Variants in SPIRE2 observed in about 807,000 individuals in gnomAD.
The protein encoded by SPIRE2 is spire type actin nucleation factor 2, also known as protein spire homolog 2.
In SPIRE2, 76 loss-of-function variants were observed where a neutral mutation model predicts 80.7. That is an observed-to-expected ratio of 0.94 (90% CI 0.78 to 1.14). The LOEUF (loss-of-function observed/expected upper bound fraction) is 1.14. Ranked by LOEUF, SPIRE2 falls within the 50% of genes most tolerant of loss-of-function variation. SPIRE2 has a pLI of 0.00. For missense variants in SPIRE2, 1,196 were observed against 1,015.3 expected (o/e 1.18, Z -2.42); for synonymous variants, 535 against 432.6 (o/e 1.24, Z -2.94).
chr16:89,869,597 A>G lies in SPIRE2; in HGVS notation c.1837A>G (p.Ile613Val). The G allele has an allele frequency of 6.2e-7, 1 of 1,614,098 alleles. No homozygotes were observed. Among genetic ancestry groups the G allele is most frequent in the Non-Finnish European group, 8.5e-7 (1 of 1,179,996 alleles). The change falls in exon 14 of 15, where the codon ATC becomes GTC. Residue 613 changes from isoleucine (I) to valine (V), a missense_variant. Coordinates refer to ENST00000378247, the MANE Select transcript of SPIRE2 (RefSeq NM_032451.2). ...GATGCCTTCTAAGAAATTTGGACACATCCCTGTCTACACACTGGGCTTTGA... is the reference window on the plus strand; with the variant it reads ...GATGCCTTCTAAGAAATTTGGACACGTCCCTGTCTACACACTGGGCTTTGA... The part of the protein sequence containing the change: ...MKMPSKKFGH[I>V]PVYTLGFESP...
intron 1 of SPIRE2, among the ~76,000 whole-genome samples, chr16:89,842,797 C>A (rs1264319043): frequency 1.3e-5 from 2 of 152,202 alleles, no homozygotes; most frequent in African/African-American, 4.8e-5. Flanking sequence ...ACGCCCAGCG[C>A]GGGCCAGGAC....
Position 89,870,425 on chromosome 16 carries a change from C to T in SPIRE2, c.*153C>T. On this transcript the variant is annotated 3_prime_UTR_variant, in exon 15 of 15. Transcript: ENST00000378247. ...ATTTATATACACTGTTTCCTGGCCC[C>T]AGAGCTCATTTGGGTTCAGGCGCAC... 6.8e-6 allele frequency: 4 copies of T among 585,662 alleles called. No homozygotes were observed. In the East Asian group the frequency reaches 1.2e-4, roughly 17 times the overall value. The allele number at this position is 585,662 out of a possible 1,614,324, so 36.3% of individuals were successfully genotyped here. A position where few individuals can be genotyped will look rare whatever the true frequency, so the allele number is the denominator to read the frequency against.
chr16:89,860,850 A>G (rs1027024732), intron 10 of SPIRE2, 55 bp downstream of exon 10: 5 of 1,146,558 alleles, frequency 4.4e-6, no homozygotes, highest in Non-Finnish European at 5.9e-6. Flanking sequence ...CTTTGCACCC[A>G]CCTTCCCGCC....
chr16:89,831,784 C>T (rs1028916442), intron 1 of SPIRE2, among the ~76,000 whole-genome samples: 1 of 151,242 alleles, frequency 6.6e-6, no homozygotes, highest in Non-Finnish European at 1.5e-5. Context: ...CCCGCCCTTT[C>T]TCCTGCCCCT....
At chr16:89,830,968 GGCACAATCTCT>G in intron 1 of SPIRE2, among the ~76,000 whole-genome samples, 1 of 146,614 alleles carries the variant, frequency 6.8e-6, no homozygotes, top group Non-Finnish European at 1.5e-5. Context: ...GGAGTGCAGC[GGCACAATCTCT>G]GCTCACTGCA....
intron 6 of SPIRE2, chr16:89,855,890 AG>A (rs2041685922): frequency 2.1e-6 from 2 of 947,580 alleles, no homozygotes; most frequent in South Asian, 3.5e-5. Flanking sequence ...TTTTCTGGGA[AG>A]GGGCCATGTG....
rs767979836 is a variant in SPIRE2, at chr16:89,870,210, C to T, written c.2083C>T (p.Arg695Ter). 4.3e-5 allele frequency: 69 copies of T among 1,607,882 alleles called. No individual in the cohort carries two copies. The Admixed American group carries it at 5.2e-4, about 12-fold the overall frequency. ...CGTGGACGTCCTCAACACTACGCCA[C>T]GACGCAGTCGCCAGACCCAATCCCT... is the stretch of plus-strand genomic sequence containing the variant. ...KSVDVLNTTP[R>*]RSRQTQSLYI... The change falls in exon 15 of 15, where the codon CGA becomes TGA. Residue 695 changes from arginine to a stop codon, truncating the protein, a stop_gained. Transcript: ENST00000378247. LOFTEE classifies it high-confidence loss of function.
At chr16:89,855,917 A>C in intron 6 of SPIRE2, 196 bp from the exon 7 acceptor site, 1 of 1,075,592 alleles carries the variant, frequency 9.3e-7, no homozygotes, top group Non-Finnish European at 1.3e-6. Context: ...TGCCCACCCC[A>C]CCCCAGGTGC....
chr16:89,845,283 G>A (rs768546637), intron 1 of SPIRE2, 39 bp from the exon 2 acceptor site: 1 of 1,605,742 alleles, frequency 6.2e-7, no homozygotes, highest in African/African-American at 1.3e-5. Context: ...GGGGTCCCGG[G>A]GATGCTGACA....
Position 89,850,640 on chromosome 16 carries a change from A to G in SPIRE2, c.625A>G (p.Arg209Gly), listed in dbSNP as rs1390009220. ...GCTGGAGCTGCGGGCCTTCCTGGCC[A>G]GGGTCCGGGAGGCCAAGGAGGTGAG... ...ETLELRAFLA[R>G]VREAKEMLQK... The change falls in exon 3 of 15, where the codon AGG (arginine) becomes GGG (glycine). Residue 209 changes from arginine (R) to glycine (G), a missense_variant. Transcript: ENST00000378247. The G allele has an allele frequency of 1.5e-5, 19 of 1,273,354 alleles. No individual in the cohort carries two copies. In the East Asian group the frequency reaches 2.6e-4, roughly 18 times the overall value. The allele number at this position is 1,273,354 out of a possible 1,614,324, so 78.9% of individuals were successfully genotyped here.
intron 2 of SPIRE2, 29 bp downstream of exon 2, chr16:89,845,394 TTGA>T (rs752637933): frequency 3.5e-5 from 56 of 1,581,132 alleles, no homozygotes; most frequent in Non-Finnish European, 4.8e-5. Context: ...CAAGTATTAC[TTGA>T]TGTGTGTTAA....
At chr16:89,857,129 C>T (rs1390853771) in intron 7 of SPIRE2, among the ~76,000 whole-genome samples, 8 of 138,218 alleles carry the variant, frequency 5.8e-5, no homozygotes, top group African/African-American at 2.2e-4. Context: ...ATTGGAATTT[C>T]CTATATCTTT....
chr16:89,865,431 A>G (rs1054623001), intron 12 of SPIRE2, among the ~76,000 whole-genome samples: 7 of 152,232 alleles, frequency 4.6e-5, no homozygotes, highest in African/African-American at 1.7e-4. Flanking sequence ...GATGTATACC[A>G]TAAGTCCTAA....
intron 2 of SPIRE2, chr16:89,846,839 C>A (rs1244160568): frequency 8.9e-6 from 1 of 112,300 alleles, no homozygotes; most frequent in Non-Finnish European, 1.8e-5. Flanking sequence ...GATCTACCCT[C>A]TTGTTGCCCA....
intron 6 of SPIRE2, 27 bp from the exon 7 acceptor site, chr16:89,856,086 A>C: frequency 6.3e-7 from 1 of 1,598,988 alleles, no homozygotes; most frequent in Non-Finnish European, 8.5e-7. Context: ...CTGCTTCCCC[A>C]CCGCAGGTCT....
At chr16:89,854,815 T>G (rs2041674089) in intron 5 of SPIRE2, among the ~76,000 whole-genome samples, 164 bp downstream of exon 5, 1 of 152,076 alleles carries the variant, frequency 6.6e-6, no homozygotes, top group East Asian at 1.9e-4. Context: ...ATTAGGGAGA[T>G]GTGGTCCCAA....
rs751551276 is a variant in SPIRE2, at chr16:89,850,348, G to T, written c.333G>T (p.Trp111Cys). ...TCGCCATCTACCGCGCGCTGGACTG[G>T]GGGCTGGACGAGAGCGAGGAGCGCG... is the stretch of plus-strand genomic sequence containing the variant. ...LGFAIYRALD[W>C]GLDESEEREL... Residue 111 changes from tryptophan (W) to cysteine (C), a missense_variant, in exon 3 of 15, where the codon TGG becomes TGT. Physicochemically the swap from Trp to Cys is radical, Grantham distance 215 (BLOSUM62 -2). Coordinates refer to ENST00000378247, the MANE Select transcript of SPIRE2 (RefSeq NM_032451.2). 2 of 1,600,408 alleles carry T rather than the reference G, an allele frequency of 1.2e-6. No homozygotes were observed. The highest frequency in any genetic ancestry group is 1.7e-6 in the Non-Finnish European group (2 of 1,175,334).
At position 89,850,417 on chromosome 16, in the gene SPIRE2, C is replaced by A. The variant is rs770757999; in HGVS notation, c.402C>A (p.Asn134Lys). 149 of 1,591,592 alleles carry A rather than the reference C, an allele frequency of 9.4e-5. No homozygotes were observed. The highest frequency in any genetic ancestry group is 1.2e-4 in the Non-Finnish European group (141 of 1,170,664). The change falls in exon 3 of 15, where the codon AAC becomes AAA. Residue 134 changes from asparagine (N) to lysine (K), a missense_variant. By Grantham distance (94) the Asn-to-Lys change is moderately conservative. Transcript: ENST00000378247. ...AGCGGCTCATCGACCTCATGGCCAA[C>A]AACGACAGCGAGGACAGCGGCTGCG... The part of the protein sequence containing the change: ...QLERLIDLMA[N>K]NDSEDSGCGA...
At chr16:89,865,770 C>T (rs942442132) in intron 12 of SPIRE2, among the ~76,000 whole-genome samples, 1 of 151,370 alleles carries the variant, frequency 6.6e-6, no homozygotes, top group Non-Finnish European at 1.5e-5. Flanking sequence ...AGATCGAGAC[C>T]ATCCTGGCTA....
Sources: allele counts gnomAD v4.1 joint callset (sites outside exome capture counted in the v4.1 genomes callset), GRCh38; gene constraint gnomAD v4.1.1; transcripts MANE v1.5; gene names NCBI Gene and HGNC (gene_info 2026-07-23, HGNC 2026-07-21).